THAP12: variants seen among roughly 807,000 people sequenced by gnomAD.
THAP12 encodes the protein 52 kDa repressor of the inhibitor of the protein kinase.
In THAP12, 20 loss-of-function variants were observed where a neutral mutation model predicts 63.0. The observed-to-expected ratio is 0.32, with a 90% CI of 0.22 to 0.46. The LOEUF is 0.46. Among genes scored for constraint, THAP12 ranks in the 20% least tolerant of loss-of-function variants. The probability of loss-of-function intolerance (pLI) is 1.00; values close to 1 mark genes in which losing one functional copy is unlikely to be tolerated. For missense variants in THAP12, 568 were observed against 908.2 expected, an observed-to-expected ratio of 0.63 and a Z score of 4.81; for synonymous variants, 264 against 328.4, an observed-to-expected ratio of 0.80 and a Z score of 2.12.
At chr11:76,371,747 A>G (rs1258033954) in intron 1 of THAP12, among the ~76,000 whole-genome samples, 1 of 144,858 alleles carries the variant, frequency 6.9e-6, no homozygotes, top group Non-Finnish European at 1.5e-5. Flanking sequence ...ATTACTAACG[A>G]CCCTATCCTG....
At chr11:76,355,484 A>T in intron 4 of THAP12, 134 bp downstream of exon 4, 1 of 772,998 alleles carries the variant, frequency 1.3e-6, no homozygotes, top group Non-Finnish European at 1.9e-6. Context: ...TCCAAAACAC[A>T]GGACAAAATT....
At chr11:76,376,248 A>G (rs1946709333) in intron 1 of THAP12, among the ~76,000 whole-genome samples, 1 of 152,270 alleles carries the variant, frequency 6.6e-6, no homozygotes, top group Non-Finnish European at 1.5e-5. Context: ...ATATACCCCA[A>G]ATCGTACACT....
At chr11:76,380,613 TG>T in intron 1 of THAP12, 134 bp downstream of exon 1, 1 of 601,554 alleles carries the variant, frequency 1.7e-6, no homozygotes, top group African/African-American at 2.0e-5. Context: ...GGTCCAACGC[TG>T]GGGTCGACGG....
At chr11:76,363,368 T>TC (rs2134506336) in intron 2 of THAP12, among the ~76,000 whole-genome samples, 2 of 152,050 alleles carry the variant, frequency 1.3e-5, no homozygotes, top group East Asian at 3.9e-4. Context: ...ACTGATGAAA[T>TC]CTTTTTTTTT....
intron 2 of THAP12, 137 bp from the exon 3 acceptor site, chr11:76,361,200 C>G (rs1783816874): frequency 1.8e-6 from 1 of 566,950 alleles, no homozygotes; most frequent in South Asian, 2.6e-5. Flanking sequence ...AATTTGATGT[C>G]AGTTCAGGTC....
At chr11:76,377,567 G>A (rs1470060728) in intron 1 of THAP12, among the ~76,000 whole-genome samples, 1 of 152,198 alleles carries the variant, frequency 6.6e-6, no homozygotes, top group Non-Finnish European at 1.5e-5. Context: ...CCATACTGTA[G>A]TATGTACTGG....
chr11:76,353,957 C>T lies in THAP12; in HGVS notation c.356-1163G>A, dbSNP rs139279987. On this transcript the variant is annotated intron_variant, in intron 4 of 4. Transcript: ENST00000260045. Reference sequence around the variant, plus strand: ...CCAGGAGGCAGAGGTTATAGTTAGCCGAGATCGTGCCACTGCACTCCAGCC... The same window carrying T: ...CCAGGAGGCAGAGGTTATAGTTAGCTGAGATCGTGCCACTGCACTCCAGCC... 1.3e-3 allele frequency among the ~76,000 whole-genome samples: 203 copies of T among 152,266 alleles called. 2 individuals are homozygous for T. The highest frequency in any genetic ancestry group is 4.6e-3 in the African/African-American group (192 of 41,548).
chr11:76,362,936 A>G (rs1946607220), intron 2 of THAP12, among the ~76,000 whole-genome samples: 1 of 152,184 alleles, frequency 6.6e-6, no homozygotes, highest in African/African-American at 2.4e-5. Flanking sequence ...TGACCCCAGG[A>G]GTTCAAGACC....
chr11:76,380,713 G>A (rs1300161378), intron 1 of THAP12, 35 bp downstream of exon 1: 9 of 1,356,384 alleles, frequency 6.6e-6, no homozygotes, highest in Non-Finnish European at 8.6e-6. Flanking sequence ...CCGCGAAGGT[G>A]GGCCCGGGCC....
In THAP12 at chr11:76,355,598, T is replaced by C. The variant is rs909374146; in HGVS notation, c.355+20A>G. 6.3e-7 allele frequency: 1 copy of C among 1,587,872 alleles called. No homozygotes were observed. The highest frequency in any genetic ancestry group is 1.4e-5 in the African/African-American group (1 of 73,884). On this transcript the variant is annotated intron_variant, in intron 4 of 4. Transcript: ENST00000260045. ...TTTTAAAAGGCATTCAGAAGTTGAG[T>C]CATTAACACTATCACTTACTTTTTT...
At chr11:76,353,711 T>C (rs558984476) in intron 4 of THAP12, among the ~76,000 whole-genome samples, 3 of 152,324 alleles carry the variant, frequency 2.0e-5, no homozygotes, top group South Asian at 2.1e-4. Context: ...ACCTAGTTCT[T>C]AGAACATAAG....
chr11:76,367,673 T>C (rs1004433026), intron 1 of THAP12, among the ~76,000 whole-genome samples: 2 of 151,830 alleles, frequency 1.3e-5, no homozygotes, highest in Admixed American at 6.6e-5. Flanking sequence ...TCTGCCCACC[T>C]TGGCCTCCCA....
At chr11:76,369,239 C>T (rs1211692109) in intron 1 of THAP12, among the ~76,000 whole-genome samples, 1 of 152,052 alleles carries the variant, frequency 6.6e-6, no homozygotes, top group Non-Finnish European at 1.5e-5. Flanking sequence ...GAGGTAATAC[C>T]AAATATTGGG....
rs74780573 is a variant in THAP12, at chr11:76,371,444, G to T, written c.90-5472C>A. 4.1e-3 allele frequency among the ~76,000 whole-genome samples: 618 copies of T among 152,298 alleles called. 2 individuals carry two copies. Among genetic ancestry groups the T allele is most frequent in the African/African-American group, 0.014 (586 of 41,554 alleles). ...GACTCACATGTGTACATATATGTGG[G>T]TGTATGTGTATGAATATGTATGCAC... On this transcript the variant is annotated intron_variant, in intron 1 of 4. Coordinates refer to ENST00000260045, the MANE Select transcript of THAP12 (RefSeq NM_004705.4).
At chr11:76,365,740 C>T (rs1470664742) in intron 2 of THAP12, 112 bp downstream of exon 2, 3 of 1,276,284 alleles carry the variant, frequency 2.4e-6, no homozygotes, top group African/African-American at 1.5e-5. Context: ...CTTAAAGTGG[C>T]AGGATATAGG....
At chr11:76,361,984 C>G (rs538687920) in intron 2 of THAP12, among the ~76,000 whole-genome samples, 68 of 152,286 alleles carry the variant, frequency 4.5e-4, no homozygotes, top group African/African-American at 1.6e-3. Context: ...AAGTCCTAAT[C>G]ATCTTATGAA....
intron 1 of THAP12, among the ~76,000 whole-genome samples, chr11:76,372,476 C>CT (rs1454322288): frequency 6.6e-6 from 1 of 150,464 alleles, no homozygotes; most frequent in Non-Finnish European, 1.5e-5. Flanking sequence ...CTGGTGCAAT[C>CT]ATAGCTCATT....
chr11:76,365,075 G>A (rs1018281245), intron 2 of THAP12, among the ~76,000 whole-genome samples: 1 of 152,160 alleles, frequency 6.6e-6, no homozygotes, highest in African/African-American at 2.4e-5. Context: ...GAGGTCAGGA[G>A]ATTGAGACTA....
At chr11:76,367,007 C>G (rs976076560) in intron 1 of THAP12, among the ~76,000 whole-genome samples, 1 of 151,972 alleles carries the variant, frequency 6.6e-6, no homozygotes, top group Admixed American at 6.6e-5. Context: ...CCCCCTTGTG[C>G]AGATGAAGGC....
Sources: gnomAD v4.1 joint callset for allele counts (sites outside exome capture counted in the v4.1 genomes callset) on GRCh38, gnomAD v4.1.1 for gene constraint, MANE v1.5 for transcripts, NCBI Gene and HGNC (gene_info 2026-07-23, HGNC 2026-07-21) for gene names.